The following DDX43 variants were observed in gnomAD, a reference collection of about 807,000 sequenced individuals.
DDX43 encodes DEAD-box helicase 43.
Under a neutral mutation model 84.9 loss-of-function variants are expected in DDX43, and 50 were observed. That is an observed-to-expected ratio of 0.59 (90% CI 0.47 to 0.75). DDX43 has a LOEUF of 0.75. Among genes scored for constraint, DDX43 ranks in the 30% least tolerant of loss-of-function variants. DDX43 has a pLI of 0.00. For synonymous variants in DDX43, 291 were observed against 266.3 expected (o/e 1.09, Z -0.90); for missense variants, 689 against 798.6 (o/e 0.86, Z 1.65).
intron 4 of DDX43, 114 bp from the exon 5 acceptor site, chr6:73,404,576 T>C (rs1038137766): frequency 2.5e-5 from 21 of 837,102 alleles, no homozygotes; most frequent in Non-Finnish European, 3.7e-5. Flanking sequence ...TGTAGAACTA[T>C]CAAATGGTAT....
chr6:73,401,671 G>A (rs1407050513), intron 3 of DDX43, among the ~76,000 whole-genome samples, 188 bp from the exon 4 acceptor site: 4 of 151,996 alleles, frequency 2.6e-5, no homozygotes, highest in African/African-American at 9.7e-5. Flanking sequence ...GCGTTGCGGC[G>A]TGTGCCTGTA....
At chr6:73,412,730 T>TGC (rs1769826846) in intron 11 of DDX43, among the ~76,000 whole-genome samples, 1 of 6,732 alleles carries the variant, frequency 1.5e-4, no homozygotes, top group African/African-American at 3.0e-4. Context: ...ATATATAGCG[T>TGC]GTGTGTGTGT....
chr6:73,394,953 T>C lies in DDX43; in HGVS notation c.48T>C (p.Ala16=). Residue 16 remains alanine (A), a synonymous_variant, in exon 1 of 17, where the codon GCT becomes GCC. Transcript: ENST00000370336. ...CCAAGGCCTCTACGTGGGTCGTTGC[T>C]AGTCGGCGAAGCTCGACAGTGTCCC... ...GAPKASTWVV[A]SRRSSTVSRA... The C allele has an allele frequency of 6.2e-7, 1 of 1,614,260 alleles. No homozygotes were observed. Among genetic ancestry groups the C allele is most frequent in the Admixed American group, 1.7e-5 (1 of 60,036 alleles).
intron 1 of DDX43, among the ~76,000 whole-genome samples, chr6:73,397,103 TTC>T (rs1366982478): frequency 1.3e-5 from 2 of 152,188 alleles, no homozygotes; most frequent in African/African-American, 4.8e-5. Flanking sequence ...CATATGTTAA[TTC>T]TGTTTTTAAT....
In DDX43 at chr6:73,404,703, T is replaced by TGAGAAA; in HGVS notation, c.582_583insGAGAAA (p.Ile194_Lys195insGluLys). 6.2e-7 allele frequency: 1 copy of TGAGAAA among 1,611,784 alleles called. No homozygotes were observed. The highest frequency in any genetic ancestry group is 8.5e-7 in the Non-Finnish European group (1 of 1,179,446). On this transcript the variant is annotated inframe_insertion, in exon 5 of 17. Transcript: ENST00000370336. ...CCTTTGTCCCAGATTTACCACCAATTAAGAAAAACTTTTATAAAGAGTCCA... is the reference window on the plus strand; with the variant it reads ...CCTTTGTCCCAGATTTACCACCAATTGAGAAAAAGAAAAACTTTTATAAAGAGTCCA...
Position 73,414,636 on chromosome 6 carries a change from A to G in DDX43, c.1695A>G (p.Pro565=), listed in dbSNP as rs761800306. Residue 565 remains proline, a synonymous_variant, in exon 14 of 17, where the codon CCA becomes CCG. Coordinates refer to ENST00000370336, the MANE Select transcript of DDX43 (RefSeq NM_018665.3). ...DVTHVYNFDF[P]RNIEEYVHRI... ...CACATGTCTATAATTTTGACTTTCC[A>G]CGGAATATTGAAGAATACGTACACC... 1.6e-5 allele frequency: 26 copies of G among 1,614,082 alleles called. 2 individuals are homozygous for G. In the Middle Eastern group the frequency reaches 9.9e-4, roughly 61 times the overall value.
At chr6:73,409,227 C>T in intron 9 of DDX43, 21 bp from the exon 10 acceptor site, 4 of 1,588,584 alleles carry the variant, frequency 2.5e-6, no homozygotes, top group African/African-American at 1.3e-5. Context: ...AATCTAACCA[C>T]ATTCTTTTTT....
chr6:73,416,865 C>T (rs141497826), intron 16 of DDX43, among the ~76,000 whole-genome samples: 154 of 152,214 alleles, frequency 1.0e-3, no homozygotes, highest in African/African-American at 3.5e-3. Context: ...GTGGCAAAAC[C>T]CCGTCTCTAT....
At chr6:73,416,642 C>G (rs897712380) in intron 16 of DDX43, among the ~76,000 whole-genome samples, 2 of 152,120 alleles carry the variant, frequency 1.3e-5, no homozygotes, top group African/African-American at 4.8e-5. Flanking sequence ...GTAAGAGGTA[C>G]TTAGAATAGT....
chr6:73,406,328 G>A, intron 6 of DDX43, 36 bp from the exon 7 acceptor site: 1 of 1,490,768 alleles, frequency 6.7e-7, no homozygotes, highest in East Asian at 2.3e-5. Context: ...AGCAAAAGAT[G>A]TACTTTTTGT....
rs954745278 is a variant in DDX43 at position 73,407,845 on chromosome 6, G to T, written c.1038-115G>T. ...ATGGGTGTACATAATTCTCAGAAAG[G>T]GGCAGATACCCCTAAAGGTACCTGA... is the stretch of plus-strand genomic sequence containing the variant. On this transcript the variant is annotated intron_variant, in intron 8 of 16. Coordinates refer to ENST00000370336, the MANE Select transcript of DDX43 (RefSeq NM_018665.3). 13 of 1,016,648 alleles carry T rather than the reference G, an allele frequency of 1.3e-5. No individual in the cohort carries two copies. In the African/African-American group the frequency reaches 2.1e-4, roughly 16 times the overall value. The allele number at this position is 1,016,648 out of a possible 1,614,324, so 63.0% of individuals were successfully genotyped here.
At chr6:73,414,744 A>G (rs1562286869) in intron 14 of DDX43, 58 bp downstream of exon 14, 1 of 1,492,068 alleles carries the variant, frequency 6.7e-7, no homozygotes, top group African/African-American at 1.4e-5. Context: ...TATTCCTCTC[A>G]CAAACTTCTT....
In DDX43 at chr6:73,395,098, C is replaced by T. The variant is rs1769438034; in HGVS notation, c.193C>T (p.His65Tyr). ...SRPPEAVAAG[H>Y]EELPLCFALK... ...GCCCCCGGAGGCCGTGGCCGCTGGTCACGAGGAACTGCCGCTGTGTTTTGC... is the reference window on the plus strand; with the variant it reads ...GCCCCCGGAGGCCGTGGCCGCTGGTTACGAGGAACTGCCGCTGTGTTTTGC... The change falls in exon 1 of 17, where the codon CAC becomes TAC. Residue 65 changes from histidine to tyrosine, a missense_variant. Coordinates refer to ENST00000370336, the MANE Select transcript of DDX43 (RefSeq NM_018665.3). The T allele has an allele frequency of 6.2e-7, 1 of 1,614,128 alleles. No individual in the cohort carries two copies. Among genetic ancestry groups the T allele is most frequent in the Non-Finnish European group, 8.5e-7 (1 of 1,179,992 alleles).
At chr6:73,395,629 A>G (rs1450146954) in intron 1 of DDX43, among the ~76,000 whole-genome samples, 1 of 151,938 alleles carries the variant, frequency 6.6e-6, no homozygotes, top group Non-Finnish European at 1.5e-5. Flanking sequence ...AAAAAAAAAA[A>G]AAAAAGTAAT....
chr6:73,395,224 C>T (rs956367880), intron 1 of DDX43, 69 bp downstream of exon 1: 3 of 1,500,818 alleles, frequency 2.0e-6, no homozygotes, highest in Non-Finnish European at 2.7e-6. Context: ...GAAGGCATTT[C>T]CTCCCCACTG....
intron 2 of DDX43, among the ~76,000 whole-genome samples, chr6:73,399,282 C>CTT (rs1769526499): frequency 6.6e-6 from 1 of 152,136 alleles, no homozygotes; most frequent in Non-Finnish European, 1.5e-5. Context: ...TATTTGTGTC[C>CTT]TTTTCCTATG....
chr6:73,397,827 C>T (rs1769501861), intron 2 of DDX43, 83 bp downstream of exon 2: 1 of 1,249,224 alleles, frequency 8.0e-7, no homozygotes, highest in South Asian at 1.2e-5. Flanking sequence ...CTTTTTAAGA[C>T]AGCCTCATTC....
At position 73,394,868 on chromosome 6, in the gene DDX43, G is replaced by T; in HGVS notation, c.-38G>T. ...CGTCACGGTCAGGTGGTGCAGAGCT[G>T]GACGGCAACGACGTCGGACGCGCCC... is the stretch of plus-strand genomic sequence containing the variant. On this transcript the variant is annotated 5_prime_UTR_variant, in exon 1 of 17. Coordinates refer to ENST00000370336, the MANE Select transcript of DDX43 (RefSeq NM_018665.3). The T allele has an allele frequency of 6.2e-7, 1 of 1,607,048 alleles. No homozygotes were observed. Among genetic ancestry groups the T allele is most frequent in the Non-Finnish European group, 8.5e-7 (1 of 1,176,320 alleles).
intron 10 of DDX43, among the ~76,000 whole-genome samples, chr6:73,410,909 A>G (rs564565647): frequency 3.1e-4 from 47 of 151,442 alleles, no homozygotes; most frequent in Middle Eastern, 6.8e-3. Flanking sequence ...TTTTATGGCC[A>G]GGCGCCGTGG....
Sources: allele counts gnomAD v4.1 joint callset (sites outside exome capture counted in the v4.1 genomes callset), GRCh38; gene constraint gnomAD v4.1.1; transcripts MANE v1.5; gene names NCBI Gene and HGNC (gene_info 2026-07-23, HGNC 2026-07-21).